The following MUSK variants were observed in gnomAD, a reference collection of about 807,000 sequenced individuals.
The protein encoded by MUSK is muscle, skeletal receptor tyrosine-protein kinase.
In MUSK, 55 loss-of-function variants were observed where a neutral mutation model predicts 88.7. The ratio of observed to expected loss-of-function variants is 0.62; its 90% CI spans 0.50 to 0.78. The LOEUF is 0.78. MUSK is among the 30% of genes least tolerant of loss of function. MUSK has a pLI of 0.00. For missense variants in MUSK, 1,015 were observed against 1,074.3 expected, an observed-to-expected ratio of 0.94 and a Z score of 0.77; for synonymous variants, 387 against 391.9, an observed-to-expected ratio of 0.99 and a Z score of 0.15.
At chr9:110,762,080 G>A (rs561240829) in intron 7 of MUSK, 122 bp from the exon 8 acceptor site, 238 of 1,054,580 alleles carry the variant, frequency 2.3e-4, no homozygotes, top group African/African-American at 7.3e-4. Context: ...GAACTTTTCA[G>A]AAACTTAGAG....
At chr9:110,773,549 T>C (rs1482447210) in intron 9 of MUSK, among the ~76,000 whole-genome samples, 1 of 152,154 alleles carries the variant, frequency 6.6e-6, no homozygotes, top group African/African-American at 2.4e-5. Flanking sequence ...AAATAAAATA[T>C]TTCTTTTTCT....
intron 7 of MUSK, among the ~76,000 whole-genome samples, chr9:110,755,449 A>G (rs1210324791): frequency 6.6e-6 from 1 of 152,188 alleles, no homozygotes; most frequent in African/African-American, 2.4e-5. Flanking sequence ...CCTGACAGGT[A>G]CACAGAGAAA....
intron 3 of MUSK, among the ~76,000 whole-genome samples, chr9:110,689,688 T>TATAGTTATATATAAATATATAACTATAC (rs2076270140): frequency 1.5e-5 from 1 of 67,218 alleles, no homozygotes; most frequent in Non-Finnish European, 2.4e-5. Flanking sequence ...TATAACTATA[T>TATAGTTATATATAAATATATAACTATAC]ATAGTTATAT....
At chr9:110,773,732 T>C (rs76783660) in intron 9 of MUSK, among the ~76,000 whole-genome samples, 17,466 of 152,050 alleles carry the variant, frequency 0.11, 1,232 homozygotes, top group East Asian at 0.25. Flanking sequence ...TTGCGTTAGT[T>C]CTCCTCACTT....
At chr9:110,700,956 T>C (rs146727870) in intron 5 of MUSK, among the ~76,000 whole-genome samples, 4 of 152,298 alleles carry the variant, frequency 2.6e-5, no homozygotes, top group Non-Finnish European at 5.9e-5. Context: ...GTCCTTGTAA[T>C]AGGAAGAAAA....
At chr9:110,694,385 C>CAAAAAAA (rs796590211) in intron 3 of MUSK, among the ~76,000 whole-genome samples, 16 of 51,444 alleles carry the variant, frequency 3.1e-4, no homozygotes, top group South Asian at 8.3e-4. Context: ...GACTCCGTCT[C>CAAAAAAA]AAAAAAAAAA....
At chr9:110,753,642 C>T (rs1324397326) in intron 7 of MUSK, among the ~76,000 whole-genome samples, 1 of 152,116 alleles carries the variant, frequency 6.6e-6, no homozygotes, top group Non-Finnish European at 1.5e-5. Context: ...ATTCTACCAA[C>T]AACCCCCACT....
intron 5 of MUSK, among the ~76,000 whole-genome samples, chr9:110,723,773 A>G (rs1479357407): frequency 2.0e-5 from 3 of 152,022 alleles, no homozygotes; most frequent in Admixed American, 2.0e-4. Context: ...AAGTGATTCA[A>G]TGAATTTCGA....
intron 9 of MUSK, among the ~76,000 whole-genome samples, chr9:110,773,630 A>T (rs954505529): frequency 6.6e-6 from 1 of 152,068 alleles, no homozygotes; most frequent in Non-Finnish European, 1.5e-5. Flanking sequence ...CAGCTGGAGT[A>T]GGTGTTTTTC....
intron 2 of MUSK, among the ~76,000 whole-genome samples, chr9:110,684,449 T>C (rs2076169339): frequency 6.6e-6 from 1 of 151,964 alleles, no homozygotes; most frequent in South Asian, 2.1e-4. Flanking sequence ...TTTTTTCTTT[T>C]GGCTATTCTG....
At chr9:110,767,760 A>G (rs2077506477) in intron 8 of MUSK, 60 bp from the exon 9 acceptor site, 1 of 1,601,576 alleles carries the variant, frequency 6.2e-7, no homozygotes, top group South Asian at 1.1e-5. Flanking sequence ...AAAAAAGAAA[A>G]GCAGAATGAA....
At chr9:110,681,748 G>A (rs762737366) in intron 1 of MUSK, among the ~76,000 whole-genome samples, 1 of 151,860 alleles carries the variant, frequency 6.6e-6, no homozygotes, top group Non-Finnish European at 1.5e-5. Context: ...ATAATAATAA[G>A]GTTTATTCAG....
At chr9:110,744,101 G>C (rs2077140410) in intron 6 of MUSK, among the ~76,000 whole-genome samples, 1 of 152,078 alleles carries the variant, frequency 6.6e-6, no homozygotes, top group South Asian at 2.1e-4. Flanking sequence ...TGGAGTAGCT[G>C]GGACTACAGG....
chr9:110,739,756 A>T (rs751614888), intron 6 of MUSK, among the ~76,000 whole-genome samples: 7 of 152,018 alleles, frequency 4.6e-5, no homozygotes, highest in Non-Finnish European at 1.0e-4. Context: ...CCCATGGAGG[A>T]TACTTTTATC....
rs1314238956 is a variant in MUSK, at chr9:110,801,922, T to TG, written c.*935dup. On this transcript the variant is annotated 3_prime_UTR_variant, in exon 15 of 15. Coordinates refer to ENST00000374448, the MANE Select transcript of MUSK (RefSeq NM_005592.4). The stretch of plus-strand genomic sequence containing the variant: ...TTTTAAATACCATTGTAGATTGATA[T>TG]GTATATGCCTTTTGCAAAGTATTAC... 6.6e-6 allele frequency among the ~76,000 whole-genome samples: 1 copy of TG among 152,218 alleles called. No individual in the cohort carries two copies. Among genetic ancestry groups the TG allele is most frequent in the Non-Finnish European group, 1.5e-5 (1 of 68,034 alleles).
chr9:110,686,625 C>A (rs1025326082), intron 2 of MUSK, among the ~76,000 whole-genome samples: 1 of 152,080 alleles, frequency 6.6e-6, no homozygotes, highest in Non-Finnish European at 1.5e-5. Flanking sequence ...TCCCAAGTAA[C>A]TAGAAGTGTG....
chr9:110,709,882 C>T (rs970286677), intron 5 of MUSK, among the ~76,000 whole-genome samples: 4 of 152,080 alleles, frequency 2.6e-5, no homozygotes, highest in South Asian at 4.1e-4. Flanking sequence ...CAGTGGCTCA[C>T]GCCTGTAATC....
chr9:110,739,992 G>GTCCCAAA (rs1294654611), intron 6 of MUSK, among the ~76,000 whole-genome samples: 1 of 152,058 alleles, frequency 6.6e-6, no homozygotes, highest in Non-Finnish European at 1.5e-5. Context: ...TCAAAGAAGT[G>GTCCCAAA]TCCCAAATCG....
chr9:110,777,843 A>T (rs1249108362), intron 11 of MUSK, among the ~76,000 whole-genome samples: 1 of 152,180 alleles, frequency 6.6e-6, no homozygotes, highest in Non-Finnish European at 1.5e-5. Context: ...AGTCTTTAAA[A>T]AACAGCTTTA....
Sources: allele counts gnomAD v4.1 joint callset (sites outside exome capture counted in the v4.1 genomes callset), GRCh38; gene constraint gnomAD v4.1.1; transcripts MANE v1.5; gene names NCBI Gene and HGNC (gene_info 2026-07-23, HGNC 2026-07-21).